VCP: variants seen among roughly 807,000 people sequenced by gnomAD.
The protein encoded by VCP is valosin containing protein.
In VCP, 6 loss-of-function variants were observed where a neutral mutation model predicts 85.7. The observed-to-expected ratio is 0.07, with a 90% confidence interval of 0.04 to 0.14. VCP has a LOEUF of 0.14. Among genes scored for constraint, VCP ranks in the 10% least tolerant of loss-of-function variants. The pLI, the probability that VCP is intolerant of heterozygous loss-of-function variation, is 1.00. For synonymous variants in VCP, 384 were observed against 367.1 expected, an observed-to-expected ratio of 1.05 and a Z score of -0.53; for missense variants, 353 against 1,043.4, an observed-to-expected ratio of 0.34 and a Z score of 9.12.
At chr9:35,071,994 G>A (rs2131046524) in intron 1 of VCP, 5 of 1,114,996 alleles carry the variant, frequency 4.5e-6, no homozygotes, top group African/African-American at 1.7e-5. Context: ...CCAAAGCCCC[G>A]GGGCGCCGCG....
In VCP at chr9:35,059,430, G is replaced by C. The variant is rs1367468089; in HGVS notation, c.2004+63C>G. 2 of 1,597,004 alleles carry C rather than the reference G, an allele frequency of 1.3e-6. No individual in the cohort carries two copies. The highest frequency in any genetic ancestry group is 1.7e-6 in the Non-Finnish European group (2 of 1,170,698). Reference sequence around the variant, plus strand: ...AGTGGAATCTTGTCCAGAAACTAAAGAGCACTCCGTACCAGCCTGAGGACT... The same window carrying C: ...AGTGGAATCTTGTCCAGAAACTAAACAGCACTCCGTACCAGCCTGAGGACT... On this transcript the variant is annotated intron_variant, in intron 14 of 16. Coordinates refer to ENST00000358901, the MANE Select transcript of VCP (RefSeq NM_007126.5). This position sits in a 1 kb window ranked among gnomAD's most constrained non-coding sequence, Gnocchi z 4.9.
chr9:35,062,870 C>T (rs954099967), intron 7 of VCP, 108 bp downstream of exon 7: 11 of 999,978 alleles, frequency 1.1e-5, no homozygotes, highest in Non-Finnish European at 1.8e-5. Context: ...ATGCTATAAA[C>T]ATGAAGGAGG....
In VCP at chr9:35,061,072, A is replaced by G. The variant is rs1828712605; in HGVS notation, c.1302T>C (p.Asp434=). Residue 434 remains aspartate, a synonymous_variant, in exon 11 of 17, where the codon GAT becomes GAC. Coordinates refer to ENST00000358901, the MANE Select transcript of VCP (RefSeq NM_007126.5). ...RKKMDLIDLE[D]ETIDAEVMNS... Reference sequence around the variant, plus strand: ...TCATGACCTCGGCATCAATGGTCTCATCCTCTAGGTCAATGAGATCCATCT... The same window carrying G: ...TCATGACCTCGGCATCAATGGTCTCGTCCTCTAGGTCAATGAGATCCATCT... The G allele has an allele frequency of 6.2e-7, 1 of 1,614,064 alleles. No individual in the cohort carries two copies. Among genetic ancestry groups the G allele is most frequent in the Non-Finnish European group, 8.5e-7 (1 of 1,179,936 alleles).
chr9:35,068,434 A>C (rs751921549), intron 1 of VCP, 72 bp from the exon 2 acceptor site: 29 of 1,341,206 alleles, frequency 2.2e-5, no homozygotes, highest in Non-Finnish European at 3.0e-5. Flanking sequence ...ACTCATACTT[A>C]GGAAAGAAAC....
At position 35,067,959 on chromosome 9, in the gene VCP, A is replaced by G. The variant is rs1202208932; in HGVS notation, c.234T>C (p.Ser78=). ...VCIVLSDDTC[S]DEKIRMNRVV... ...CTCTATTCATCCGAATCTTCTCATC[A>G]GAACAAGTATCATCAGAAAGGACGA... The change falls in exon 3 of 17, where the codon TCT becomes TCC. Residue 78 remains serine (S), a synonymous_variant. Transcript: ENST00000358901. 1.9e-6 allele frequency: 3 copies of G among 1,614,248 alleles called. No individual in the cohort carries two copies. Among genetic ancestry groups the G allele is most frequent in the Non-Finnish European group, 2.5e-6 (3 of 1,180,056 alleles).
Position 35,068,121 on chromosome 9 carries a change from C to T in VCP, c.130-58G>A. ...TGGGCTGACGGGGAGTAAGCAGCAG[C>T]CCTGGAGATTGGGATTCCCAGTAAA... On this transcript the variant is annotated intron_variant, in intron 2 of 16. Transcript: ENST00000358901. The T allele has an allele frequency of 4.3e-6, 7 of 1,612,594 alleles. No homozygotes were observed. The South Asian group carries it at 6.6e-5, about 15-fold the overall frequency.
intron 4 of VCP, 146 bp downstream of exon 4, chr9:35,066,529 C>A: frequency 1.6e-6 from 2 of 1,225,782 alleles, no homozygotes; most frequent in Non-Finnish European, 2.2e-6. Context: ...GCCCAGCTGA[C>A]CCCATCTCTT....
rs775020335 is a variant in VCP at position 35,057,557 on chromosome 9, G to T, written c.2161-27C>A. 5 of 1,603,842 alleles carry T rather than the reference G, an allele frequency of 3.1e-6. No individual in the cohort carries two copies. The East Asian group carries it at 6.7e-5, about 21-fold the overall frequency. Reference sequence around the variant, plus strand: ...TATAGTTGGTAAACACAGATCACTAGGGCTAGTTAAAGCCCAGCCTGGATT... The same window carrying T: ...TATAGTTGGTAAACACAGATCACTATGGCTAGTTAAAGCCCAGCCTGGATT... On this transcript the variant is annotated intron_variant, in intron 15 of 16. Transcript: ENST00000358901.
At chr9:35,065,467 C>A in intron 4 of VCP, 86 bp from the exon 5 acceptor site, 1 of 1,577,496 alleles carries the variant, frequency 6.3e-7, no homozygotes, top group Non-Finnish European at 8.6e-7. Context: ...GTCAAAATGC[C>A]AAGCTCATTA....
Position 35,063,702 on chromosome 9 carries a change from G to T in VCP, c.708+452C>A, listed in dbSNP as rs554801109. On this transcript the variant is annotated intron_variant, in intron 6 of 16. Transcript: ENST00000358901. ...TGGAAACACTTTCCCACTAGGAAAAGATTGAGAAGCTACACTCTAGACCAA... is the reference window on the plus strand; with the variant it reads ...TGGAAACACTTTCCCACTAGGAAAATATTGAGAAGCTACACTCTAGACCAA... Among the ~76,000 whole-genome samples, 14 of 152,338 alleles carry T rather than the reference G, an allele frequency of 9.2e-5. No homozygotes were observed. The East Asian group carries it at 2.5e-3, about 27-fold the overall frequency.
chr9:35,065,112 C>T, intron 5 of VCP, 139 bp downstream of exon 5: 4 of 1,259,740 alleles, frequency 3.2e-6, no homozygotes, highest in Non-Finnish European at 4.5e-6. Context: ...AAGTGATCTG[C>T]CCATCTCAGT....
In VCP at chr9:35,057,442, T is replaced by C. The variant is rs748732505; in HGVS notation, c.2249A>G (p.Asn750Ser). The part of the protein sequence containing the change: ...MRFARRSVSD[N>S]DIRKYEMFAQ... Reference sequence around the variant, plus strand: ...AAACATCTCATACTTCCGAATGTCATTGTCACTGACAGAACGGCGCGCAAA... The same window carrying C: ...AAACATCTCATACTTCCGAATGTCACTGTCACTGACAGAACGGCGCGCAAA... The change falls in exon 16 of 17, where the codon AAT becomes AGT. Residue 750 changes from asparagine to serine, a missense_variant. Transcript: ENST00000358901. 2 of 1,614,246 alleles carry C rather than the reference T, an allele frequency of 1.2e-6. No homozygotes were observed. The highest frequency in any genetic ancestry group is 2.2e-5 in the East Asian group (1 of 44,894).
Position 35,060,543 on chromosome 9 carries a change from G to C in VCP, c.1483-18C>G. The C allele has an allele frequency of 1.9e-6, 3 of 1,612,426 alleles. No homozygotes were observed. Among genetic ancestry groups the C allele is most frequent in the Non-Finnish European group, 1.7e-6 (2 of 1,179,010 alleles). On this transcript the variant is annotated intron_variant, in intron 12 of 16. Transcript: ENST00000358901. ...ACAGGATACTAGGAGGAAAAGGAAA[G>C]AGGGTTCAAGGCTACCTCCACATTT...
chr9:35,057,103 C>T lies in VCP; in HGVS notation c.*14G>A, dbSNP rs766048346. On this transcript the variant is annotated 3_prime_UTR_variant, in exon 17 of 17. Coordinates refer to ENST00000358901, the MANE Select transcript of VCP (RefSeq NM_007126.5). Reference sequence around the variant, plus strand: ...TCCAGGCAGGCCAGCTCACTGCACGCTGGCCACCACCACTTAGCCATACAG... The same window carrying T: ...TCCAGGCAGGCCAGCTCACTGCACGTTGGCCACCACCACTTAGCCATACAG... The T allele has an allele frequency of 3.3e-5, 53 of 1,613,648 alleles. No homozygotes were observed. In the East Asian group the frequency reaches 9.4e-4, roughly 28 times the overall value.
At chr9:35,060,125 T>C (rs1828692365) in intron 13 of VCP, among the ~76,000 whole-genome samples, 188 bp downstream of exon 13, 2 of 134,446 alleles carry the variant, frequency 1.5e-5, no homozygotes, top group South Asian at 2.2e-4. Context: ...AGCCAGACCC[T>C]GTCTCAAGAG....
chr9:35,058,285 T>A (rs1417341431), intron 15 of VCP, among the ~76,000 whole-genome samples: 1 of 152,218 alleles, frequency 6.6e-6, no homozygotes, highest in Non-Finnish European at 1.5e-5. Flanking sequence ...TATTTGCTCA[T>A]TAAGTCCCAT....
chr9:35,067,457 A>G lies in VCP; in HGVS notation c.302+434T>C, dbSNP rs189340372. ...TCCCGGGTTAACTTAGGGGCTTAAA[A>G]GACCTGCTAGCAGCTCACCTTCCAT... On this transcript the variant is annotated intron_variant, in intron 3 of 16. Transcript: ENST00000358901. 7.9e-5 allele frequency among the ~76,000 whole-genome samples: 12 copies of G among 152,238 alleles called. No individual in the cohort carries two copies. The East Asian group carries it at 1.7e-3, about 22-fold the overall frequency.
intron 1 of VCP, among the ~76,000 whole-genome samples, chr9:35,070,518 T>C (rs1828919289): frequency 6.6e-6 from 1 of 152,200 alleles, no homozygotes; most frequent in South Asian, 2.1e-4. Flanking sequence ...CTGCAATCTC[T>C]GCCTCCCTGG....
At chr9:35,060,555 C>A (rs368525824) in intron 12 of VCP, 30 bp from the exon 13 acceptor site, 12 of 1,607,108 alleles carry the variant, frequency 7.5e-6, no homozygotes, top group East Asian at 4.5e-5. Flanking sequence ...GGGTTCAAGG[C>A]TACCTCCACA....
Sources: gnomAD v4.1 joint callset for allele counts (sites outside exome capture counted in the v4.1 genomes callset) on GRCh38, gnomAD v4.1.1 for gene constraint, Gnocchi (gnomAD v3.1) non-coding constraint, MANE v1.5 for transcripts, NCBI Gene and HGNC (gene_info 2026-07-23, HGNC 2026-07-21) for gene names.